The following DNAH8 variants were observed in gnomAD, a reference collection of about 807,000 sequenced individuals.
The protein encoded by DNAH8 is axonemal beta dynein heavy chain 8.
A neutral mutation model predicts 562.1 loss-of-function variants in DNAH8; 382 were observed. That is an observed-to-expected ratio of 0.68 (90% CI 0.63 to 0.74). The LOEUF is 0.74. Ranked by LOEUF, DNAH8 falls within the 30% of genes least tolerant of loss-of-function variation. DNAH8 has a pLI of 0.00. For synonymous variants in DNAH8, 1,881 were observed against 1,919.4 expected (o/e 0.98, Z 0.52); for missense variants, 5,203 against 5,620.4 (o/e 0.93, Z 2.37).
At position 38,737,256 on chromosome 6, in the gene DNAH8, G is replaced by A; in HGVS notation, c.952G>A (p.Gly318Ser). 3.4e-5 allele frequency: 48 copies of A among 1,411,754 alleles called. No individual in the cohort carries two copies. The highest frequency in any genetic ancestry group is 2.2e-4 in the South Asian group (12 of 54,918). The allele number at this position is 1,411,754 out of a possible 1,614,324, so 87.5% of individuals were successfully genotyped here. The part of the protein sequence containing the change: ...TINRYLSFLD[G>S]ARISIEGTVK... ...CAACAGATATCTTTCATTTTTAGAT[G>A]GTAAGTATAAAATTTAATGTTTAGC... The change falls in exon 6 of 93, where the codon GGT becomes AGT. Residue 318 changes from glycine to serine, a missense_variant and splice_region_variant. Gly to Ser is a moderately conservative substitution (Grantham distance 56, BLOSUM62 0). This residue lies in a region of DNAH8 where 556 missense variants were observed against 496.9 expected (regional missense o/e 1.12). Transcript: ENST00000327475.
intron 87 of DNAH8, among the ~76,000 whole-genome samples, chr6:38,989,771 C>G (rs1325186626): frequency 2.0e-5 from 3 of 152,140 alleles, no homozygotes; most frequent in Non-Finnish European, 2.9e-5. Context: ...TTGCTCTCTT[C>G]CTTACTCTTG....
chr6:38,974,388 C>T lies in DNAH8; in HGVS notation c.12693C>T (p.Phe4231=). Reference sequence around the variant, plus strand: ...TTTCATGACAGACCTCTCTCAAATTCACTAATGAGCCACCCCAAGGTGTAC... The same window carrying T: ...TTTCATGACAGACCTCTCTCAAATTTACTAATGAGCCACCCCAAGGTGTAC... ...PITLLQTSLK[F]TNEPPQGVRA... is the part of the protein sequence containing the mutation. The change falls in exon 85 of 93, where the codon TTC becomes TTT. Residue 4231 remains phenylalanine (F), a synonymous_variant. Coordinates refer to ENST00000327475, the MANE Select transcript of DNAH8 (RefSeq NM_001206927.2). 6.2e-7 allele frequency: 1 copy of T among 1,611,248 alleles called. No individual in the cohort carries two copies. Among genetic ancestry groups the T allele is most frequent in the Non-Finnish European group, 8.5e-7 (1 of 1,179,076 alleles).
At position 38,788,241 on chromosome 6, in the gene DNAH8, T is replaced by G. The variant is rs904860698; in HGVS notation, c.2583+1289T>G. Among the ~76,000 whole-genome samples, 5 of 152,042 alleles carry G rather than the reference T, an allele frequency of 3.3e-5. No homozygotes were observed. The East Asian group carries it at 9.6e-4, about 29-fold the overall frequency. ...ATCTCAGCTCACTGCAACCTCCGCC[T>G]CCTGGGTTCAAGCGATTCTCCTGCT... On this transcript the variant is annotated intron_variant, in intron 18 of 92. Coordinates refer to ENST00000327475, the MANE Select transcript of DNAH8 (RefSeq NM_001206927.2).
At chr6:38,940,314 T>C (rs954091866) in intron 79 of DNAH8, among the ~76,000 whole-genome samples, 1 of 152,150 alleles carries the variant, frequency 6.6e-6, no homozygotes, top group African/African-American at 2.4e-5. Context: ...CAAGAGAGCA[T>C]GCAGAAATGA....
chr6:39,001,495 C>T (rs1474117073), intron 88 of DNAH8, among the ~76,000 whole-genome samples: 1 of 151,898 alleles, frequency 6.6e-6, no homozygotes, highest in African/African-American at 2.4e-5. Context: ...TAGGAATGAG[C>T]TATAATCGAT....
chr6:38,746,272 G>A (rs13201940), intron 8 of DNAH8, among the ~76,000 whole-genome samples: 4 of 151,960 alleles, frequency 2.6e-5, no homozygotes, highest in Admixed American at 6.6e-5. Context: ...TGCTCAAATT[G>A]TTTCCTCTTT....
intron 13 of DNAH8, 132 bp downstream of exon 13, chr6:38,776,083 C>A: frequency 4.6e-6 from 3 of 654,696 alleles, no homozygotes; most frequent in South Asian, 4.1e-5. Context: ...TTCACATTGA[C>A]CAAACATATT....
intron 73 of DNAH8, among the ~76,000 whole-genome samples, chr6:38,925,687 A>G (rs1782063275): frequency 6.6e-6 from 1 of 152,128 alleles, no homozygotes; most frequent in Non-Finnish European, 1.5e-5. Flanking sequence ...ATCAGGGGCT[A>G]ATTGCCTGGG....
intron 52 of DNAH8, among the ~76,000 whole-genome samples, chr6:38,873,977 G>C (rs1166264654): frequency 6.6e-6 from 1 of 151,910 alleles, no homozygotes; most frequent in East Asian, 1.9e-4. Context: ...CTGACAAGTA[G>C]TTGTAGCATT....
rs1762264969 is a variant in DNAH8 at position 38,715,937 on chromosome 6, TATATATATATA to T, written c.-35+523_-35+533del. 2.4e-4 allele frequency among the ~76,000 whole-genome samples: 6 copies of T among 24,572 alleles called. No homozygotes were observed. The South Asian group carries it at 0.01, about 43-fold the overall frequency. The allele number at this position is 24,572 out of a possible 152,430, so 16.1% of individuals were successfully genotyped here. A position where few individuals can be genotyped will look rare whatever the true frequency, so the allele number is the denominator to read the frequency against. Reference sequence around the variant, plus strand: ...AAATAAATAAATAAATATATATATATATATATATATATATATATATATATTTTTTTTTTTTT... The same window carrying T: ...AAATAAATAAATAAATATATATATATTATATATATATATTTTTTTTTTTTT... On this transcript the variant is annotated intron_variant, in intron 1 of 92. Coordinates refer to ENST00000327475, the MANE Select transcript of DNAH8 (RefSeq NM_001206927.2).
At chr6:38,887,089 C>G in intron 57 of DNAH8, 85 bp downstream of exon 57, 1 of 989,898 alleles carries the variant, frequency 1.0e-6, no homozygotes, top group South Asian at 1.5e-5. Context: ...CAAAAAGGCT[C>G]TGTCTAAAGT....
At chr6:38,926,587 T>G (rs1262846722) in intron 74 of DNAH8, among the ~76,000 whole-genome samples, 1 of 152,136 alleles carries the variant, frequency 6.6e-6, no homozygotes, top group Non-Finnish European at 1.5e-5. Context: ...GCTTACTGAG[T>G]CCAGCTTTGG....
intron 36 of DNAH8, among the ~76,000 whole-genome samples, chr6:38,847,656 C>T (rs1021312109): frequency 6.6e-6 from 1 of 152,140 alleles, no homozygotes; most frequent in Non-Finnish European, 1.5e-5. Flanking sequence ...ATGTGAATCA[C>T]TCTGTCCTAG....
chr6:38,893,770 C>T (rs545112897), intron 58 of DNAH8, among the ~76,000 whole-genome samples: 1 of 152,198 alleles, frequency 6.6e-6, no homozygotes, highest in East Asian at 1.9e-4. Flanking sequence ...ATAGAAAGGG[C>T]TTAATTTATG....
chr6:38,895,234 C>T (rs914558484), intron 59 of DNAH8, among the ~76,000 whole-genome samples: 1 of 152,076 alleles, frequency 6.6e-6, no homozygotes, highest in Non-Finnish European at 1.5e-5. Flanking sequence ...CCACCCTGCC[C>T]AGCCGGTTAC....
intron 18 of DNAH8, among the ~76,000 whole-genome samples, chr6:38,789,539 T>G (rs1769499646): frequency 6.6e-6 from 1 of 152,178 alleles, no homozygotes; most frequent in Admixed American, 6.5e-5. Flanking sequence ...TAATTCAAAC[T>G]ACTTAATATA....
Position 38,823,521 on chromosome 6 carries a change from ACT to A in DNAH8, c.3721-40_3721-39del, listed in dbSNP as rs754239314. 2.0e-5 allele frequency: 29 copies of A among 1,476,718 alleles called. No homozygotes were observed. In the East Asian group the frequency reaches 6.6e-4, roughly 33 times the overall value. The allele number at this position is 1,476,718 out of a possible 1,614,324, so 91.5% of individuals were successfully genotyped here. ...CTAATGTAACTATGGTAAGATTTAT[ACT>A]GTTAAAAAATTAAAATATTGACTAT... On this transcript the variant is annotated intron_variant, in intron 27 of 92. Transcript: ENST00000327475.
In DNAH8 at chr6:38,781,339, A is replaced by T. The variant is rs1768586055; in HGVS notation, c.2225A>T (p.Tyr742Phe). 1.9e-6 allele frequency: 3 copies of T among 1,613,806 alleles called. No homozygotes were observed. Among genetic ancestry groups the T allele is most frequent in the Middle Eastern group, 1.7e-4 (1 of 6,058 alleles). ...AAAATACTCTGGGTGAGGCAGCTCT[A>T]TCGCCGGATAAGTGAGCCCATCAAT... is the stretch of plus-strand genomic sequence containing the variant. The part of the protein sequence containing the change: ...AGKILWVRQL[Y>F]RRISEPINYF... The change falls in exon 16 of 93, where the codon TAT (tyrosine) becomes TTT (phenylalanine). Residue 742 changes from tyrosine to phenylalanine, a missense_variant. Tyr to Phe is a conservative substitution (Grantham distance 22). Around this residue, in one of 6 missense-constraint regions of DNAH8, gnomAD observed 2,176 missense variants for 2,365.1 expected, o/e 0.92. Coordinates refer to ENST00000327475, the MANE Select transcript of DNAH8 (RefSeq NM_001206927.2).
At chr6:38,782,507 C>T (rs1371614634) in intron 16 of DNAH8, among the ~76,000 whole-genome samples, 3 of 152,156 alleles carry the variant, frequency 2.0e-5, no homozygotes, top group Non-Finnish European at 2.9e-5. Flanking sequence ...GTCTCCAACT[C>T]CTGACTTCAG....
Sources: gnomAD v4.1 joint callset for allele counts (sites outside exome capture counted in the v4.1 genomes callset) on GRCh38, gnomAD v4.1.1 for gene constraint, gnomAD v4.1.1 regional missense constraint, MANE v1.5 for transcripts, NCBI Gene and HGNC (gene_info 2026-07-23, HGNC 2026-07-21) for gene names.